DYDC2: variants seen among roughly 807,000 people sequenced by gnomAD.
The protein encoded by DYDC2 is DPY30 domain containing 2, also known as DPY30 domain-containing protein 2.
A neutral mutation model predicts 18.7 loss-of-function variants in DYDC2; 19 were observed. The ratio of observed to expected loss-of-function variants is 1.02; its 90% confidence interval spans 0.71 to 1.49. The LOEUF (loss-of-function observed/expected upper bound fraction) is 1.49, where lower values mean the gene tolerates loss of function less well. Ranked by LOEUF, DYDC2 falls within the 40% of genes most tolerant of loss-of-function variation. DYDC2 has a pLI of 0.00. For missense variants in DYDC2, 179 were observed against 205.1 expected (o/e 0.87, Z 0.78); for synonymous variants, 63 against 67.6 (o/e 0.93, Z 0.34).
intron 1 of DYDC2, 80 bp from the exon 2 acceptor site, chr10:80,357,812 AT>A (rs780965024): frequency 8.1e-6 from 8 of 985,382 alleles, no homozygotes; most frequent in Non-Finnish European, 9.6e-6. Flanking sequence ...TAAATGCCAG[AT>A]TGGGCGTGGA....
intron 2 of DYDC2, among the ~76,000 whole-genome samples, chr10:80,358,843 C>G (rs765320659): frequency 2.0e-5 from 3 of 152,132 alleles, no homozygotes; most frequent in Non-Finnish European, 4.4e-5. Flanking sequence ...TTAAAGGCGG[C>G]GTGTCCAGAG....
chr10:80,367,259 G>A lies in DYDC2; in HGVS notation c.*308G>A. ...GATCAGACCCAACACCCGGCCATGG[G>A]GGCTACAAAGTCCAGCCGAGTCAAA... On this transcript the variant is annotated 3_prime_UTR_variant, in exon 5 of 5. Transcript: ENST00000256039. 4.4e-6 allele frequency: 1 copy of A among 225,762 alleles called. No individual in the cohort carries two copies. The highest frequency in any genetic ancestry group is 1.1e-4 in the South Asian group (1 of 8,720). The allele number at this position is 225,762 out of a possible 1,614,324, so 14.0% of individuals were successfully genotyped here.
At chr10:80,355,390 G>A (rs937343432), upstream of DYDC2, among the ~76,000 whole-genome samples, 4 of 152,014 alleles carry the variant, frequency 2.6e-5, no homozygotes, top group South Asian at 2.1e-4. Context: ...GTGGTGGGAG[G>A]GCAAAATGGT....
At chr10:80,359,641 G>T (rs1010240839) in intron 2 of DYDC2, among the ~76,000 whole-genome samples, 2 of 152,176 alleles carry the variant, frequency 1.3e-5, no homozygotes, top group African/African-American at 4.8e-5. Context: ...GCCCCGTGGG[G>T]AGGCAGTAGA....
intron 1 of DYDC2, among the ~76,000 whole-genome samples, chr10:80,345,659 G>A (rs1842570769): frequency 6.6e-6 from 1 of 151,554 alleles, no homozygotes; most frequent in Non-Finnish European, 1.5e-5. Flanking sequence ...TTTTTTTTAA[G>A]ATTTCTACAT....
intron 1 of DYDC2, among the ~76,000 whole-genome samples, chr10:80,350,993 C>T (rs1842945637): frequency 2.0e-5 from 3 of 152,202 alleles, no homozygotes; most frequent in Admixed American, 2.0e-4. Context: ...AAGAGAATCA[C>T]ATCATCACAT....
chr10:80,346,070 A>T (rs1403115198), intron 1 of DYDC2, among the ~76,000 whole-genome samples: 1 of 152,088 alleles, frequency 6.6e-6, no homozygotes, highest in Admixed American at 6.6e-5. Flanking sequence ...CTGGTCTCGA[A>T]CTCTGGACCT....
upstream of DYDC2, chr10:80,352,771 T>C: frequency 1.1e-6 from 1 of 905,238 alleles, no homozygotes. Context: ...AGGAAACTTC[T>C]AATAGTTTCC....
chr10:80,349,177 C>T (rs569382714), intron 1 of DYDC2, among the ~76,000 whole-genome samples: 67 of 152,354 alleles, frequency 4.4e-4, no homozygotes, highest in African/African-American at 1.5e-3. Context: ...AGGCGTGAGC[C>T]ACCGCGCCCG....
At chr10:80,347,852 A>G (rs938866797) in intron 1 of DYDC2, among the ~76,000 whole-genome samples, 1 of 152,132 alleles carries the variant, frequency 6.6e-6, no homozygotes, top group Non-Finnish European at 1.5e-5. Flanking sequence ...TGTAATTACT[A>G]TGGCTTTGTA....
Position 80,366,874 on chromosome 10 carries a change from C to A in DYDC2, c.457C>A (p.Gln153Lys). The change falls in exon 5 of 5, where the codon CAA becomes AAA. Residue 153 changes from glutamine (Q) to lysine (K), a missense_variant. By Grantham distance (53) the Gln-to-Lys change is moderately conservative. Transcript: ENST00000256039. ...GATTGACCAGAACTTCAAAATGCCACAAGAAATAAATTACAAGGAGGCTTT... is the reference window on the plus strand; with the variant it reads ...GATTGACCAGAACTTCAAAATGCCAAAAGAAATAAATTACAAGGAGGCTTT... ...GQIDQNFKMPQEINYKEAFQH... is the reference protein window; with the variant it reads ...GQIDQNFKMPKEINYKEAFQH... 6.2e-7 allele frequency: 1 copy of A among 1,614,128 alleles called. No individual in the cohort carries two copies. Among genetic ancestry groups the A allele is most frequent in the Non-Finnish European group, 8.5e-7 (1 of 1,180,022 alleles).
Position 80,367,172 on chromosome 10 carries a change from CT to C in DYDC2, c.*226del. On this transcript the variant is annotated 3_prime_UTR_variant, in exon 5 of 5. Coordinates refer to ENST00000256039, the MANE Select transcript of DYDC2 (RefSeq NM_032372.6). ...AAAATAAGTAACCAAGTGGCTGTGA[CT>C]TTTTCCTCTTGTTTTATCAACGTTT... 1.9e-6 allele frequency: 1 copy of C among 519,362 alleles called. No individual in the cohort carries two copies. The highest frequency in any genetic ancestry group is 3.2e-6 in the Non-Finnish European group (1 of 308,756). 32.2% of individuals were successfully genotyped at this position (519,362 alleles called of 1,614,324 possible).
At chr10:80,364,380 A>ATCT (rs1843761730) in intron 4 of DYDC2, among the ~76,000 whole-genome samples, 1 of 152,140 alleles carries the variant, frequency 6.6e-6, no homozygotes, top group Non-Finnish European at 1.5e-5. Context: ...ATTCAGCAAA[A>ATCT]TTTGTCATCA....
At chr10:80,355,204 C>T (rs1234277413), upstream of DYDC2, among the ~76,000 whole-genome samples, 1 of 151,858 alleles carries the variant, frequency 6.6e-6, no homozygotes, top group Non-Finnish European at 1.5e-5. Flanking sequence ...GGATAGAATG[C>T]CACTGTGTCT....
chr10:80,354,486 C>CAAAAAAAAAAAAAAAAAAAAAA (rs1012219418), upstream of DYDC2: 1 of 69,302 alleles, frequency 1.4e-5, no homozygotes, highest in African/African-American at 5.8e-5. Flanking sequence ...AACTTCGTCT[C>CAAAAAAAAAAAAAAAAAAAAAA]AAAAAAAAAA....
intron 4 of DYDC2, among the ~76,000 whole-genome samples, chr10:80,363,662 T>A (rs1384400950): frequency 6.6e-6 from 1 of 152,174 alleles, no homozygotes; most frequent in Non-Finnish European, 1.5e-5. Flanking sequence ...AATCTGATTT[T>A]TAAAAAATCT....
In DYDC2 at chr10:80,364,714, G is replaced by C. The variant is rs558749963; in HGVS notation, c.270+1641G>C. Among the ~76,000 whole-genome samples, 9 of 152,304 alleles carry C rather than the reference G, an allele frequency of 5.9e-5. No individual in the cohort carries two copies. The South Asian group carries it at 1.9e-3, about 32-fold the overall frequency. ...ACAACAAGCACAATGTCTAGACTAT[G>C]TGCAAGTTCTCAGTTTTAGAAAAGA... On this transcript the variant is annotated intron_variant, in intron 4 of 4. Coordinates refer to ENST00000256039, the MANE Select transcript of DYDC2 (RefSeq NM_032372.6).
At chr10:80,344,801 C>T in exon 1 of DYDC2, 1 of 283,200 alleles carries the variant, frequency 3.5e-6, no homozygotes, top group South Asian at 3.7e-5. Context: ...GAGACCTCCC[C>T]AGCAATGTGG....
At chr10:80,351,665 T>C (rs1276304339) in intron 1 of DYDC2, among the ~76,000 whole-genome samples, 1 of 152,200 alleles carries the variant, frequency 6.6e-6, no homozygotes, top group African/African-American at 2.4e-5. Context: ...GCATCTTTTG[T>C]ATCAGCAACA....
Sources: gnomAD v4.1 joint callset for allele counts (sites outside exome capture counted in the v4.1 genomes callset) on GRCh38, gnomAD v4.1.1 for gene constraint, MANE v1.5 for transcripts, NCBI Gene and HGNC (gene_info 2026-07-23, HGNC 2026-07-21) for gene names.